The following PLEKHA5 variants were observed in gnomAD, a reference collection of about 807,000 sequenced individuals.
PLEKHA5 encodes the protein pleckstrin homology domain containing A5.
In PLEKHA5, 55 loss-of-function variants were observed where a neutral mutation model predicts 181.9. The observed-to-expected ratio is 0.30, with a 90% CI of 0.24 to 0.38. The LOEUF (loss-of-function observed/expected upper bound fraction) is 0.38, where lower values mean the gene tolerates loss of function less well. Ranked by LOEUF, PLEKHA5 falls within the 10% of genes least tolerant of loss-of-function variation. The pLI, the probability that PLEKHA5 is intolerant of heterozygous loss-of-function variation, is 1.00. For synonymous variants in PLEKHA5, 535 were observed against 529.4 expected (o/e 1.01, Z -0.15); for missense variants, 1,432 against 1,549.5 (o/e 0.92, Z 1.27).
chr12:19,337,389 C>G (rs762443390), intron 21 of PLEKHA5, among the ~76,000 whole-genome samples: 21 of 151,550 alleles, frequency 1.4e-4, no homozygotes, highest in Admixed American at 3.3e-4. Flanking sequence ...CCTGTCTCTA[C>G]TATAAATACA....
intron 25 of PLEKHA5, among the ~76,000 whole-genome samples, chr12:19,349,785 T>A (rs1192442528): frequency 6.7e-6 from 1 of 149,972 alleles, no homozygotes; most frequent in African/African-American, 2.4e-5. Context: ...TCTACCAGCC[T>A]GGCCAATATG....
intron 12 of PLEKHA5, among the ~76,000 whole-genome samples, chr12:19,284,740 A>G (rs148839108): frequency 1.3e-5 from 2 of 152,274 alleles, no homozygotes; most frequent in African/African-American, 4.8e-5. Flanking sequence ...CCAGTTCCCT[A>G]ATGTCTATCC....
At chr12:19,311,262 CAAAAAA>C (rs112913366) in intron 15 of PLEKHA5, among the ~76,000 whole-genome samples, 1 of 98,926 alleles carries the variant, frequency 1.0e-5, no homozygotes, top group African/African-American at 3.6e-5. Flanking sequence ...CCTGTCTCTG[CAAAAAA>C]AAAAAAAAAA....
At chr12:19,132,783 T>C (rs2034336581) in intron 3 of PLEKHA5, among the ~76,000 whole-genome samples, 1 of 150,050 alleles carries the variant, frequency 6.7e-6, no homozygotes, top group Admixed American at 6.6e-5. Context: ...CTTTTTTTTT[T>C]TTTTTTTTTG....
intron 6 of PLEKHA5, among the ~76,000 whole-genome samples, chr12:19,259,729 T>A (rs1326868612): frequency 6.7e-6 from 1 of 150,006 alleles, no homozygotes; most frequent in Non-Finnish European, 1.5e-5. Context: ...CCATCCTGGG[T>A]GACAGTGTGA....
chr12:19,371,361 G>T (rs1168233078), intron 31 of PLEKHA5: 1 of 152,342 alleles, frequency 6.6e-6, no homozygotes, highest in Non-Finnish European at 1.5e-5. Context: ...GGTACAAGTG[G>T]TTTTGGGTTA....
intron 21 of PLEKHA5, among the ~76,000 whole-genome samples, chr12:19,342,286 C>T (rs1231979351): frequency 6.6e-6 from 1 of 152,076 alleles, no homozygotes; most frequent in African/African-American, 2.4e-5. Context: ...CTAATAGAAT[C>T]TCAGAGAAAA....
chr12:19,339,045 C>CT (rs1056828971), intron 21 of PLEKHA5, among the ~76,000 whole-genome samples: 199 of 145,034 alleles, frequency 1.4e-3, no homozygotes, highest in East Asian at 4.2e-3. Context: ...TATAACTTCT[C>CT]TTTTTTTTTT....
chr12:19,297,340 A>G (rs1477371444), intron 15 of PLEKHA5, among the ~76,000 whole-genome samples: 1 of 151,898 alleles, frequency 6.6e-6, no homozygotes, highest in Non-Finnish European at 1.5e-5. Flanking sequence ...AAAAAAATAC[A>G]GGCCGGGCGC....
chr12:19,301,330 C>T (rs1007450602), intron 15 of PLEKHA5, among the ~76,000 whole-genome samples: 1 of 152,082 alleles, frequency 6.6e-6, no homozygotes, highest in African/African-American at 2.4e-5. Context: ...AATTTCAAAC[C>T]TTATGTTCAC....
rs1428871614 is a variant in PLEKHA5, at chr12:19,336,497, AAC to A, written c.2449-15_2449-14del. 1.5e-6 allele frequency: 2 copies of A among 1,309,014 alleles called. No individual in the cohort carries two copies. Among genetic ancestry groups the A allele is most frequent in the Non-Finnish European group, 2.2e-6 (2 of 910,776 alleles). 81.1% of individuals were successfully genotyped at this position (1,309,014 alleles called of 1,614,324 possible). A position where few individuals can be genotyped will look rare whatever the true frequency, so the allele number is the denominator to read the frequency against. On this transcript the variant is annotated splice_polypyrimidine_tract_variant and intron_variant, in intron 20 of 31. Transcript: ENST00000429027. The stretch of plus-strand genomic sequence containing the variant: ...GCACATTTTCCCCATTAAAGTAATT[AAC>A]ACTTTTTGGTTTTAGGAATTGGAAC...
chr12:19,296,974 G>A (rs896662895), intron 15 of PLEKHA5, among the ~76,000 whole-genome samples: 3 of 152,132 alleles, frequency 2.0e-5, no homozygotes, highest in Admixed American at 2.0e-4. Context: ...GAGCAGTTGT[G>A]AGGGAACTTA....
In PLEKHA5 at chr12:19,359,468, G is replaced by A. The variant is rs775796036; in HGVS notation, c.3405G>A (p.Lys1135=). 2 of 1,613,646 alleles carry A rather than the reference G, an allele frequency of 1.2e-6. No individual in the cohort carries two copies. Among genetic ancestry groups the A allele is most frequent in the Non-Finnish European group, 1.7e-6 (2 of 1,179,622 alleles). ...LDTAIRENDV[K]PDHETPATEI... ...CTGCCATTAGAGAAAATGATGTAAAGCCAGACCATGAAACTCCTGCAACAG... is the reference window on the plus strand; with the variant it reads ...CTGCCATTAGAGAAAATGATGTAAAACCAGACCATGAAACTCCTGCAACAG... The change falls in exon 28 of 32, where the codon AAG becomes AAA. Residue 1135 remains lysine, a synonymous_variant. Transcript: ENST00000429027.
intron 3 of PLEKHA5, chr12:19,153,947 A>G (rs891447834): frequency 6.6e-6 from 1 of 152,164 alleles, no homozygotes; most frequent in Admixed American, 6.5e-5. Context: ...AGAATCAGTC[A>G]TGGAGAAAGG....
chr12:19,309,471 C>T (rs1344190495), intron 15 of PLEKHA5, among the ~76,000 whole-genome samples: 1 of 151,900 alleles, frequency 6.6e-6, no homozygotes, highest in African/African-American at 2.4e-5. Flanking sequence ...TAAAATAAGA[C>T]AAATCTGGGT....
intron 7 of PLEKHA5, among the ~76,000 whole-genome samples, chr12:19,262,203 T>C (rs1044294277): frequency 1.3e-5 from 2 of 152,180 alleles, no homozygotes; most frequent in African/African-American, 4.8e-5. Context: ...TTCTAATATT[T>C]TAAATTTCTA....
At chr12:19,245,819 G>C (rs2063606212) in intron 3 of PLEKHA5, among the ~76,000 whole-genome samples, 1 of 150,652 alleles carries the variant, frequency 6.6e-6, no homozygotes, top group Non-Finnish European at 1.5e-5. Flanking sequence ...CCTTGGGCTT[G>C]AGAGGATGCC....
intron 7 of PLEKHA5, among the ~76,000 whole-genome samples, chr12:19,263,794 G>A (rs138012201): frequency 6.6e-5 from 10 of 152,258 alleles, no homozygotes; most frequent in African/African-American, 2.2e-4. Context: ...ACCATCAGCT[G>A]TGGCAAAGTG....
chr12:19,134,610 C>T (rs2035055082), intron 3 of PLEKHA5, among the ~76,000 whole-genome samples: 1 of 152,040 alleles, frequency 6.6e-6, no homozygotes, highest in Admixed American at 6.5e-5. Context: ...ACTGTAATTT[C>T]CTAGAAACTT....
Sources: allele counts gnomAD v4.1 joint callset (sites outside exome capture counted in the v4.1 genomes callset), GRCh38; gene constraint gnomAD v4.1.1; transcripts MANE v1.5; gene names NCBI Gene and HGNC (gene_info 2026-07-23, HGNC 2026-07-21).